The following ADGRL3 variants were observed in gnomAD, a reference collection of about 807,000 sequenced individuals.
ADGRL3 encodes the protein calcium-independent alpha-latrotoxin receptor 3.
In ADGRL3, 62 loss-of-function variants were observed where a neutral mutation model predicts 153.5. The observed-to-expected ratio is 0.40, with a 90% CI of 0.33 to 0.50. The LOEUF (loss-of-function observed/expected upper bound fraction) is 0.50, where lower values mean the gene tolerates loss of function less well. Among genes scored for constraint, ADGRL3 ranks in the 20% least tolerant of loss-of-function variants. The probability of loss-of-function intolerance (pLI) is 0.47; values close to 1 mark genes in which losing one functional copy is unlikely to be tolerated. For synonymous variants in ADGRL3, 710 were observed against 672.5 expected (o/e 1.06, Z -0.86); for missense variants, 1,641 against 1,859.4 (o/e 0.88, Z 2.16).
chr4:61,345,867 G>A, intron 1 of ADGRL3, among the ~76,000 whole-genome samples: 1 of 152,128 alleles, frequency 6.6e-6, no homozygotes, highest in East Asian at 1.9e-4. Context: ...AAATTTGCAT[G>A]AGTTGTAGAT....
intron 9 of ADGRL3, among the ~76,000 whole-genome samples, chr4:61,886,404 GAACACTTA>G (rs1461392827): frequency 6.6e-6 from 1 of 152,050 alleles, no homozygotes; most frequent in Admixed American, 6.6e-5. Context: ...GGATGTAAAT[GAACACTTA>G]AAGGGTGGGG....
chr4:61,561,383 C>G (rs371683451), intron 4 of ADGRL3, among the ~76,000 whole-genome samples: 15 of 152,142 alleles, frequency 9.9e-5, no homozygotes, highest in African/African-American at 3.4e-4. Flanking sequence ...ACTACATCTC[C>G]TTTATAATCT....
Position 61,830,004 on chromosome 4 carries a change from C to CA in ADGRL3, c.1480+16126dup, listed in dbSNP as rs35986469. Among the ~76,000 whole-genome samples the CA allele has an allele frequency of 6.4e-3, 935 of 146,116 alleles. 9 individuals carry two copies. Among genetic ancestry groups the CA allele is most frequent in the African/African-American group, 0.021 (833 of 39,916 alleles). On this transcript the variant is annotated intron_variant, in intron 9 of 26. Coordinates refer to ENST00000683033, the MANE Select transcript of ADGRL3 (RefSeq NM_001387552.1). ...CAACATAACAAGTCTCCCATCTCTA[C>CA]AAAAAAAAAAATTTTTTTTTTTTTG...
At chr4:62,031,953 T>TCA (rs1258070457) in intron 23 of ADGRL3, among the ~76,000 whole-genome samples, 1 of 87,820 alleles carries the variant, frequency 1.1e-5, no homozygotes, top group East Asian at 3.0e-4. Context: ...GAGGCATGAG[T>TCA]TATACACACA....
At chr4:61,987,033 A>T (rs1380318701) in intron 19 of ADGRL3, among the ~76,000 whole-genome samples, 2 of 152,110 alleles carry the variant, frequency 1.3e-5, no homozygotes, top group Non-Finnish European at 2.9e-5. Flanking sequence ...GAATTTCTGT[A>T]TATAGAATTA....
At chr4:61,258,006 A>G (rs756973550) in intron 1 of ADGRL3, among the ~76,000 whole-genome samples, 1 of 152,160 alleles carries the variant, frequency 6.6e-6, no homozygotes, top group Non-Finnish European at 1.5e-5. Context: ...AGGAATCCCC[A>G]AGGTCTGTCT....
intron 2 of ADGRL3, among the ~76,000 whole-genome samples, chr4:61,432,592 TTCTTTCTTTC>T (rs2097373327): frequency 1.2e-4 from 1 of 8,192 alleles, no homozygotes; most frequent in Non-Finnish European, 4.0e-4. Context: ...CTTTCTTTCT[TTCTTTCTTTC>T]TTTCTTTCTT....
At chr4:61,788,977 TAAATC>T (rs748922408) in intron 8 of ADGRL3, among the ~76,000 whole-genome samples, 14 of 152,192 alleles carry the variant, frequency 9.2e-5, no homozygotes, top group East Asian at 1.9e-4. Flanking sequence ...TATGGAATCT[TAAATC>T]AAGTCTCAGT....
At chr4:61,542,635 T>C (rs2098695658) in intron 4 of ADGRL3, among the ~76,000 whole-genome samples, 2 of 152,256 alleles carry the variant, frequency 1.3e-5, no homozygotes, top group Admixed American at 6.5e-5. Flanking sequence ...CCTTTGAAAG[T>C]GTTTATAGCA....
chr4:61,279,211 A>G (rs551662401), intron 1 of ADGRL3, among the ~76,000 whole-genome samples: 1 of 152,298 alleles, frequency 6.6e-6, no homozygotes, highest in East Asian at 1.9e-4. Context: ...TTGAAGCCAA[A>G]TGGGTATCAC....
intron 5 of ADGRL3, among the ~76,000 whole-genome samples, chr4:61,672,146 G>A (rs2095030022): frequency 1.3e-5 from 2 of 152,000 alleles, no homozygotes; most frequent in Admixed American, 1.3e-4. Flanking sequence ...TTTTAAGAAG[G>A]TTTTTACCTA....
intron 4 of ADGRL3, among the ~76,000 whole-genome samples, chr4:61,576,666 G>T (rs758376380): frequency 2.9e-4 from 44 of 150,536 alleles, no homozygotes; most frequent in Non-Finnish European, 6.2e-4. Flanking sequence ...ATAAAATAAA[G>T]AATAATCATT....
chr4:61,285,683 C>T (rs1296942062), intron 1 of ADGRL3, among the ~76,000 whole-genome samples: 1 of 151,778 alleles, frequency 6.6e-6, no homozygotes. Context: ...CAATTTTGAA[C>T]CTGGCATTAT....
chr4:61,346,296 T>G (rs893327231), intron 1 of ADGRL3, among the ~76,000 whole-genome samples: 3 of 139,960 alleles, frequency 2.1e-5, no homozygotes, highest in Admixed American at 7.1e-5. Flanking sequence ...TCTGTCTCTC[T>G]CTGTCACAGT....
At chr4:61,513,849 A>G (rs544476562) in intron 3 of ADGRL3, among the ~76,000 whole-genome samples, 28 of 152,304 alleles carry the variant, frequency 1.8e-4, no homozygotes, top group African/African-American at 6.3e-4. Flanking sequence ...CATTGACCTT[A>G]TTATAGCTTC....
At chr4:61,283,699 G>T (rs2093814543) in intron 1 of ADGRL3, among the ~76,000 whole-genome samples, 1 of 151,946 alleles carries the variant, frequency 6.6e-6, no homozygotes, top group South Asian at 2.1e-4. Context: ...ACACGACATA[G>T]TAACTTACAA....
intron 3 of ADGRL3, among the ~76,000 whole-genome samples, chr4:61,501,636 AACT>A (rs1468744760): frequency 2.0e-5 from 3 of 152,194 alleles, no homozygotes; most frequent in African/African-American, 7.2e-5. Context: ...GGAATGTTTA[AACT>A]ACTATTTTAA....
chr4:61,424,085 C>T (rs1213779723), intron 2 of ADGRL3, among the ~76,000 whole-genome samples: 1 of 152,084 alleles, frequency 6.6e-6, no homozygotes, highest in East Asian at 1.9e-4. Context: ...AAAGAACACT[C>T]AGGGGGTGAA....
chr4:61,659,312 T>C (rs1032414492), intron 5 of ADGRL3, among the ~76,000 whole-genome samples: 1 of 152,284 alleles, frequency 6.6e-6, no homozygotes, highest in Middle Eastern at 3.4e-3. Context: ...CAATTCAACC[T>C]GTAATAGTGA....
Sources: allele counts gnomAD v4.1 joint callset (sites outside exome capture counted in the v4.1 genomes callset), GRCh38; gene constraint gnomAD v4.1.1; transcripts MANE v1.5; gene names NCBI Gene and HGNC (gene_info 2026-07-23, HGNC 2026-07-21).